The following UNC5C variants were observed in gnomAD, a reference collection of about 807,000 sequenced individuals.
UNC5C encodes the protein netrin receptor UNC5C.
A neutral mutation model predicts 99.8 loss-of-function variants in UNC5C; 47 were observed. That is an observed-to-expected ratio of 0.47 (90% confidence interval 0.37 to 0.60). The LOEUF (loss-of-function observed/expected upper bound fraction) is 0.60, where lower values mean the gene tolerates loss of function less well. Ranked by LOEUF, UNC5C falls within the 20% of genes least tolerant of loss-of-function variation. UNC5C has a pLI of 0.00. For synonymous variants in UNC5C, 487 were observed against 452.2 expected (o/e 1.08, Z -0.98); for missense variants, 1,062 against 1,165.9 (o/e 0.91, Z 1.30).
At chr4:95,242,691 C>G in intron 6 of UNC5C, 98 bp from the exon 7 acceptor site, 1 of 1,295,620 alleles carries the variant, frequency 7.7e-7, no homozygotes, top group Non-Finnish European at 1.0e-6. Flanking sequence ...AAAACAAGAA[C>G]AAGCATGCCC....
At chr4:95,519,096 C>A (rs1464029196) in intron 1 of UNC5C, among the ~76,000 whole-genome samples, 1 of 152,036 alleles carries the variant, frequency 6.6e-6, no homozygotes, top group African/African-American at 2.4e-5. Flanking sequence ...GTTAAATCAA[C>A]ATTTGGGAAA....
At chr4:95,420,273 G>C (rs1009982500) in intron 1 of UNC5C, among the ~76,000 whole-genome samples, 3 of 152,010 alleles carry the variant, frequency 2.0e-5, no homozygotes, top group Non-Finnish European at 2.9e-5. Context: ...GTTATTTTTT[G>C]TTGTTACATT....
At chr4:95,395,885 A>G (rs1349903371) in intron 1 of UNC5C, among the ~76,000 whole-genome samples, 1 of 152,214 alleles carries the variant, frequency 6.6e-6, no homozygotes. Flanking sequence ...CCTTCAAGCC[A>G]CAAGCCCATG....
intron 1 of UNC5C, among the ~76,000 whole-genome samples, chr4:95,420,832 A>C (rs1746298196): frequency 6.6e-6 from 1 of 152,218 alleles, no homozygotes; most frequent in African/African-American, 2.4e-5. Flanking sequence ...GCATAACTTT[A>C]TAATGAAGAA....
chr4:95,342,008 C>T (rs190515351), intron 1 of UNC5C, among the ~76,000 whole-genome samples: 6 of 152,274 alleles, frequency 3.9e-5, no homozygotes, highest in East Asian at 3.9e-4. Flanking sequence ...CCGTCAGAAC[C>T]TGCGTTCTAT....
At chr4:95,242,919 T>C (rs1183459674) in intron 6 of UNC5C, among the ~76,000 whole-genome samples, 1 of 152,028 alleles carries the variant, frequency 6.6e-6, no homozygotes, top group African/African-American at 2.4e-5. Context: ...AGCTTCTGGG[T>C]TTTGTATTGA....
At chr4:95,354,196 G>A (rs1744087819) in intron 1 of UNC5C, among the ~76,000 whole-genome samples, 1 of 151,614 alleles carries the variant, frequency 6.6e-6, no homozygotes, top group African/African-American at 2.4e-5. Context: ...CTGTTGTTGT[G>A]TGCCTGCTGT....
intron 12 of UNC5C, among the ~76,000 whole-genome samples, chr4:95,197,062 A>T (rs60129457): frequency 0.036 from 822 of 22,542 alleles, 59 homozygotes; most frequent in Non-Finnish European, 0.045. Context: ...TATATAATAT[A>T]TATTTTTATA....
intron 2 of UNC5C, among the ~76,000 whole-genome samples, chr4:95,309,450 A>T (rs894729922): frequency 1.4e-4 from 22 of 152,162 alleles, no homozygotes; most frequent in Admixed American, 1.3e-4. Flanking sequence ...ATCAAACTAA[A>T]AAGCTTCTGC....
chr4:95,543,859 T>C (rs972752762), intron 1 of UNC5C, among the ~76,000 whole-genome samples: 1 of 152,154 alleles, frequency 6.6e-6, no homozygotes. Context: ...AAAGAGACTG[T>C]GGAAGGGAAT....
intron 1 of UNC5C, among the ~76,000 whole-genome samples, chr4:95,528,103 A>T (rs2149492054): frequency 6.6e-6 from 1 of 152,312 alleles, no homozygotes; most frequent in African/African-American, 2.4e-5. Context: ...CAAATTTAAA[A>T]TTAATATATA....
At chr4:95,342,631 C>T (rs1282545464) in intron 1 of UNC5C, among the ~76,000 whole-genome samples, 1 of 151,622 alleles carries the variant, frequency 6.6e-6, no homozygotes, top group Non-Finnish European at 1.5e-5. Flanking sequence ...GCTCCTTCTG[C>T]TTGAGAAAAA....
At chr4:95,356,982 T>C (rs1744227160) in intron 1 of UNC5C, among the ~76,000 whole-genome samples, 1 of 152,172 alleles carries the variant, frequency 6.6e-6, no homozygotes, top group Non-Finnish European at 1.5e-5. Context: ...TCCAGGCCAG[T>C]ATCAAAATTT....
At chr4:95,383,149 TAAC>T (rs1301451764) in intron 1 of UNC5C, among the ~76,000 whole-genome samples, 2 of 151,990 alleles carry the variant, frequency 1.3e-5, no homozygotes, top group Non-Finnish European at 2.9e-5. Flanking sequence ...AGCACAAAAA[TAAC>T]AAATACAAAA....
At chr4:95,315,396 T>C (rs1304800238) in intron 2 of UNC5C, among the ~76,000 whole-genome samples, 1 of 152,178 alleles carries the variant, frequency 6.6e-6, no homozygotes, top group Non-Finnish European at 1.5e-5. Context: ...GAACTTGTAA[T>C]GTCTTTATGT....
At chr4:95,339,241 A>G (rs1161242938) in intron 1 of UNC5C, among the ~76,000 whole-genome samples, 2 of 152,020 alleles carry the variant, frequency 1.3e-5, no homozygotes, top group East Asian at 3.9e-4. Flanking sequence ...GTGTGACTTT[A>G]TGTGTCTGTG....
chr4:95,208,562 A>G (rs1441059733), intron 10 of UNC5C, among the ~76,000 whole-genome samples: 1 of 151,960 alleles, frequency 6.6e-6, no homozygotes, highest in Non-Finnish European at 1.5e-5. Context: ...TCTCCTCCCT[A>G]AATCTGATAT....
At chr4:95,392,795 T>C (rs1483740) in intron 1 of UNC5C, among the ~76,000 whole-genome samples, 111,099 of 152,008 alleles carry the variant, frequency 0.73, 41,242 homozygotes, top group East Asian at 0.94. Context: ...CTACAAAGTA[T>C]TAAAAAGCAT....
At chr4:95,535,412 A>G (rs183313003) in intron 1 of UNC5C, among the ~76,000 whole-genome samples, 236 of 152,290 alleles carry the variant, frequency 1.5e-3, no homozygotes, top group African/African-American at 5.4e-3. Context: ...CAAGTGAAAA[A>G]TCATTGTATA....
Sources: gnomAD v4.1 joint callset for allele counts (sites outside exome capture counted in the v4.1 genomes callset) on GRCh38, gnomAD v4.1.1 for gene constraint, MANE v1.5 for transcripts, NCBI Gene and HGNC (gene_info 2026-07-23, HGNC 2026-07-21) for gene names.